The following COL5A2 variants were observed in gnomAD, a reference collection of about 807,000 sequenced individuals.
COL5A2 encodes the protein collagen type V alpha 2 chain.
In COL5A2, 23 loss-of-function variants were observed where a neutral mutation model predicts 208.2. That is an observed-to-expected ratio of 0.11 (90% CI 0.08 to 0.16). The LOEUF (loss-of-function observed/expected upper bound fraction) is 0.16. COL5A2 is among the 10% of genes least tolerant of loss of function. The probability of loss-of-function intolerance (pLI) is 1.00; values close to 1 mark genes in which losing one functional copy is unlikely to be tolerated. For missense variants in COL5A2, 1,590 were observed against 1,956.4 expected (o/e 0.81, Z 3.53); for synonymous variants, 625 against 628.5 (o/e 0.99, Z 0.08).
intron 11 of COL5A2, among the ~76,000 whole-genome samples, chr2:189,084,777 TA>T (rs1251144280): frequency 6.6e-6 from 1 of 152,214 alleles, no homozygotes; most frequent in African/African-American, 2.4e-5. Flanking sequence ...TAACACGTTT[TA>T]AAAATTCCTT....
chr2:189,083,033 A>C (rs1298210483), intron 12 of COL5A2, among the ~76,000 whole-genome samples: 2 of 152,180 alleles, frequency 1.3e-5, no homozygotes, highest in Non-Finnish European at 2.9e-5. Flanking sequence ...CCTAGCATTG[A>C]ACCTCATCAA....
intron 1 of COL5A2, among the ~76,000 whole-genome samples, chr2:189,156,687 G>T (rs1235064710): frequency 1.3e-5 from 2 of 152,078 alleles, no homozygotes; most frequent in African/African-American, 4.8e-5. Flanking sequence ...CCAAAAATAT[G>T]TATTGACATT....
intron 1 of COL5A2, among the ~76,000 whole-genome samples, chr2:189,192,443 A>T (rs1336827970): frequency 6.6e-6 from 1 of 152,204 alleles, no homozygotes; most frequent in Non-Finnish European, 1.5e-5. Context: ...GGACGACCCC[A>T]TAGGTCCTTC....
chr2:189,394,094 C>T, the COL5A2 span, among the ~76,000 whole-genome samples: 2 of 152,116 alleles, frequency 1.3e-5, no homozygotes, highest in South Asian at 2.1e-4. Context: ...TGTATAATTG[C>T]TTGAGTCCTT....
chr2:189,321,616 C>A, the COL5A2 span, among the ~76,000 whole-genome samples: 1 of 141,324 alleles, frequency 7.1e-6, no homozygotes, highest in African/African-American at 2.6e-5. Flanking sequence ...GAAGAGCTAA[C>A]TATCCTAAAT....
chr2:189,044,184 C>T (rs1685616770), intron 47 of COL5A2, among the ~76,000 whole-genome samples: 1 of 152,130 alleles, frequency 6.6e-6, no homozygotes, highest in Non-Finnish European at 1.5e-5. Flanking sequence ...AAGATGACTG[C>T]AGTCATCAAA....
intron 48 of COL5A2, 148 bp from the exon 49 acceptor site, chr2:189,042,921 G>T: frequency 1.2e-6 from 1 of 846,458 alleles, no homozygotes; most frequent in Non-Finnish European, 1.9e-6. Flanking sequence ...GTTGACCAAT[G>T]TTAAAGACAC....
chr2:189,288,278 C>A, the COL5A2 span, among the ~76,000 whole-genome samples: 1 of 152,172 alleles, frequency 6.6e-6, no homozygotes, highest in Non-Finnish European at 1.5e-5. Flanking sequence ...CTTTCTCCTG[C>A]ACATTATAAA....
chr2:189,251,488 C>T, the COL5A2 span, among the ~76,000 whole-genome samples: 4 of 152,262 alleles, frequency 2.6e-5, no homozygotes, highest in East Asian at 1.9e-4. Context: ...AAAGAACCAT[C>T]GTGATGGGTT....
chr2:189,190,724 AT>A (rs1688912279), intron 1 of COL5A2, among the ~76,000 whole-genome samples: 1 of 152,252 alleles, frequency 6.6e-6, no homozygotes. Context: ...ATGCATGAGC[AT>A]CAGTCATCAC....
intron 2 of COL5A2, among the ~76,000 whole-genome samples, chr2:189,106,201 T>C (rs901198108): frequency 2.0e-5 from 3 of 151,584 alleles, no homozygotes; most frequent in South Asian, 2.1e-4. Context: ...ACTAATTAAC[T>C]TATGGAGAAT....
chr2:189,397,481 G>T, the COL5A2 span, among the ~76,000 whole-genome samples: 1 of 152,110 alleles, frequency 6.6e-6, no homozygotes, highest in African/African-American at 2.4e-5. Context: ...AGTAGGAAAG[G>T]TCTCCAATTA....
intron 1 of COL5A2, among the ~76,000 whole-genome samples, chr2:189,216,017 A>G (rs1689274061): frequency 6.6e-6 from 1 of 152,066 alleles, no homozygotes; most frequent in African/African-American, 2.4e-5. Context: ...TCACCTCAGT[A>G]TCAATAAACT....
At chr2:189,333,297 T>C in the COL5A2 span, among the ~76,000 whole-genome samples, 1 of 152,176 alleles carries the variant, frequency 6.6e-6, no homozygotes, top group Admixed American at 6.5e-5. Flanking sequence ...ATTAATGAAA[T>C]TGCTAAACTT....
At chr2:189,361,010 A>T in the COL5A2 span, among the ~76,000 whole-genome samples, 3 of 147,912 alleles carry the variant, frequency 2.0e-5, no homozygotes, top group African/African-American at 2.5e-5. Flanking sequence ...TTGTTTTGTG[A>T]CATGCCGTGT....
chr2:189,355,713 G>C, the COL5A2 span, among the ~76,000 whole-genome samples: 1 of 152,102 alleles, frequency 6.6e-6, no homozygotes, highest in Non-Finnish European at 1.5e-5. Context: ...GCACACTAAT[G>C]GGTCTTGACT....
At chr2:189,114,235 G>A (rs1687342500) in intron 1 of COL5A2, among the ~76,000 whole-genome samples, 1 of 152,088 alleles carries the variant, frequency 6.6e-6, no homozygotes, top group South Asian at 2.1e-4. Flanking sequence ...ATCACAGAGG[G>A]CTCAAAAACT....
chr2:189,036,855 T>C (rs1685453161), intron 51 of COL5A2, 52 bp from the exon 52 acceptor site: 1 of 1,324,166 alleles, frequency 7.6e-7, no homozygotes, highest in African/African-American at 1.5e-5. Flanking sequence ...CAATCATGAC[T>C]ATAAGTCTCC....
the COL5A2 span, among the ~76,000 whole-genome samples, chr2:189,377,480 T>C: frequency 6.6e-6 from 1 of 152,242 alleles, no homozygotes; most frequent in Non-Finnish European, 1.5e-5. Flanking sequence ...CTTTCATGTT[T>C]GTGTTTCCAG....
Sources: gnomAD v4.1 joint callset for allele counts (sites outside exome capture counted in the v4.1 genomes callset) on GRCh38, gnomAD v4.1.1 for gene constraint, MANE v1.5 for transcripts, NCBI Gene and HGNC (gene_info 2026-07-23, HGNC 2026-07-21) for gene names.